NRCAM: variants seen among roughly 807,000 people sequenced by gnomAD.
NRCAM encodes neuronal cell adhesion molecule.
Under a neutral mutation model 156.5 loss-of-function variants are expected in NRCAM, and 83 were observed. The observed-to-expected ratio is 0.53, with a 90% CI of 0.44 to 0.64. NRCAM has a LOEUF of 0.64. Among genes scored for constraint, NRCAM ranks in the 30% least tolerant of loss-of-function variants. NRCAM has a pLI of 0.00. For missense variants in NRCAM, 1,417 were observed against 1,597.3 expected (o/e 0.89, Z 1.92); for synonymous variants, 538 against 563.9 (o/e 0.95, Z 0.65).
At chr7:108,374,298 GAAC>G (rs2099652763) in intron 2 of NRCAM, among the ~76,000 whole-genome samples, 2 of 152,092 alleles carry the variant, frequency 1.3e-5, no homozygotes, top group Non-Finnish European at 1.5e-5. Flanking sequence ...ACTTGATGAG[GAAC>G]AACTGATAAC....
intron 32 of NRCAM, among the ~76,000 whole-genome samples, chr7:108,153,284 T>C (rs2042852447): frequency 6.6e-6 from 1 of 152,174 alleles, no homozygotes; most frequent in Non-Finnish European, 1.5e-5. Flanking sequence ...AATGCAGGCT[T>C]ATTTTAGCAT....
intron 15 of NRCAM, among the ~76,000 whole-genome samples, chr7:108,195,492 T>C (rs1233837002): frequency 2.0e-5 from 3 of 151,968 alleles, no homozygotes; most frequent in Non-Finnish European, 4.4e-5. Context: ...GGTAGGCGGC[T>C]GTAGGCCCAG....
At chr7:108,425,785 T>C (rs986859544) in intron 1 of NRCAM, among the ~76,000 whole-genome samples, 2 of 152,200 alleles carry the variant, frequency 1.3e-5, no homozygotes, top group African/African-American at 4.8e-5. Context: ...GATTAACTGT[T>C]GACACTGTAC....
At chr7:108,379,035 TG>T (rs2099689557) in intron 2 of NRCAM, among the ~76,000 whole-genome samples, 1 of 152,244 alleles carries the variant, frequency 6.6e-6, no homozygotes, top group African/African-American at 2.4e-5. Flanking sequence ...TTCTGACTCC[TG>T]ATAGCAAAAT....
At chr7:108,346,245 T>A (rs966788791) in intron 2 of NRCAM, among the ~76,000 whole-genome samples, 1 of 152,200 alleles carries the variant, frequency 6.6e-6, no homozygotes, top group African/African-American at 2.4e-5. Flanking sequence ...ATGACGAAAC[T>A]TTGGGCTAGA....
chr7:108,349,717 C>T (rs911257166), intron 2 of NRCAM, among the ~76,000 whole-genome samples: 1 of 152,028 alleles, frequency 6.6e-6, no homozygotes, highest in African/African-American at 2.4e-5. Flanking sequence ...AAGCACTCCC[C>T]CTCACAATAT....
intron 1 of NRCAM, among the ~76,000 whole-genome samples, chr7:108,411,383 T>C (rs1795148621): frequency 6.6e-6 from 1 of 152,162 alleles, no homozygotes; most frequent in Admixed American, 6.5e-5. Flanking sequence ...TGAATGTCTC[T>C]ATCATTAGGT....
Position 108,231,049 on chromosome 7 carries a change from T to C in NRCAM, c.532A>G (p.Ile178Val), listed in dbSNP as rs2094267290. ...RPPIGLPPPI[I>V]FWMDNSFQRL... ...AACTTACAATTATCCATCCAAAATA[T>C]TATAGGTGGTGGTAATCCAATTGGG... is the stretch of plus-strand genomic sequence containing the variant. Residue 178 changes from isoleucine (I) to valine (V), a missense_variant, in exon 8 of 33, where the codon ATA (isoleucine) becomes GTA (valine). By Grantham distance (29) the Ile-to-Val change is conservative. Around this residue, in one of 2 missense-constraint regions of NRCAM, gnomAD observed 1,238 missense variants for 1,336.4 expected, o/e 0.93. Coordinates refer to ENST00000379028, the MANE Select transcript of NRCAM (RefSeq NM_001037132.4). 4 of 1,605,802 alleles carry C rather than the reference T, an allele frequency of 2.5e-6. No homozygotes were observed. Among genetic ancestry groups the C allele is most frequent in the Non-Finnish European group, 3.4e-6 (4 of 1,174,018 alleles).
At chr7:108,344,089 A>G (rs1193252975) in intron 2 of NRCAM, among the ~76,000 whole-genome samples, 5 of 152,142 alleles carry the variant, frequency 3.3e-5, no homozygotes, top group African/African-American at 1.2e-4. Flanking sequence ...CTATGCCCCA[A>G]TTCAGCAGGA....
chr7:108,427,336 G>A (rs979818923), intron 1 of NRCAM, among the ~76,000 whole-genome samples: 1 of 152,206 alleles, frequency 6.6e-6, no homozygotes. Context: ...TTCCTAGAAA[G>A]CGAACACTCC....
At chr7:108,389,790 C>T (rs2099753787) in intron 2 of NRCAM, among the ~76,000 whole-genome samples, 1 of 152,046 alleles carries the variant, frequency 6.6e-6, no homozygotes, top group South Asian at 2.1e-4. Flanking sequence ...TGTCAAAGGC[C>T]TTTTCTGCAT....
chr7:108,391,222 G>A (rs1344214297), intron 2 of NRCAM, among the ~76,000 whole-genome samples: 1 of 151,974 alleles, frequency 6.6e-6, no homozygotes, highest in African/African-American at 2.4e-5. Context: ...CTCTTTGTAG[G>A]TCACTAAGGA....
chr7:108,289,728 A>T (rs184772394), intron 3 of NRCAM, among the ~76,000 whole-genome samples: 188 of 152,274 alleles, frequency 1.2e-3, no homozygotes, highest in African/African-American at 4.3e-3. Context: ...GACTTGTAAT[A>T]GAAAATTATT....
At chr7:108,189,408 G>A (rs916715441) in intron 20 of NRCAM, among the ~76,000 whole-genome samples, 2 of 152,186 alleles carry the variant, frequency 1.3e-5, no homozygotes, top group East Asian at 3.8e-4. Flanking sequence ...ACAAATGACA[G>A]TGTATTTGAT....
At chr7:108,198,822 A>G (rs144065191) in intron 13 of NRCAM, among the ~76,000 whole-genome samples, 32 of 152,344 alleles carry the variant, frequency 2.1e-4, no homozygotes, top group African/African-American at 7.7e-4. Flanking sequence ...CTTGAAGACA[A>G]TGTTTTCAGC....
intron 32 of NRCAM, 29 bp downstream of exon 32, chr7:108,159,434 A>T (rs776653069): frequency 6.3e-7 from 1 of 1,575,222 alleles, no homozygotes; most frequent in Non-Finnish European, 8.7e-7. Context: ...TGGGCAGAGA[A>T]GATGAAGAGC....
At chr7:108,186,733 CAATTT>C (rs1477457290) in intron 20 of NRCAM, among the ~76,000 whole-genome samples, 1 of 152,076 alleles carries the variant, frequency 6.6e-6, no homozygotes, top group East Asian at 1.9e-4. Context: ...TAAATGTAAG[CAATTT>C]AATTTTAAAC....
At chr7:108,329,272 A>C (rs141784234) in intron 2 of NRCAM, among the ~76,000 whole-genome samples, 26 of 152,304 alleles carry the variant, frequency 1.7e-4, no homozygotes, top group Non-Finnish European at 1.9e-4. Context: ...ATGAATAGTG[A>C]GCTGGTATTT....
chr7:108,421,046 C>A (rs912944469), intron 1 of NRCAM, among the ~76,000 whole-genome samples: 11 of 152,072 alleles, frequency 7.2e-5, no homozygotes, highest in African/African-American at 2.7e-4. Flanking sequence ...CCCCCACATA[C>A]CCCAAAATAG....
Sources: gnomAD v4.1 joint callset for allele counts (sites outside exome capture counted in the v4.1 genomes callset) on GRCh38, gnomAD v4.1.1 for gene constraint, gnomAD v4.1.1 regional missense constraint, MANE v1.5 for transcripts, NCBI Gene and HGNC (gene_info 2026-07-23, HGNC 2026-07-21) for gene names.